GRIA4: variants seen among roughly 807,000 people sequenced by gnomAD.
The protein encoded by GRIA4 is glutamate receptor 4.
Under a neutral mutation model 104.0 loss-of-function variants are expected in GRIA4, and 34 were observed. That is an observed-to-expected ratio of 0.33 (90% CI 0.25 to 0.44). GRIA4 has a LOEUF of 0.44. Among genes scored for constraint, GRIA4 ranks in the 20% least tolerant of loss-of-function variants. The pLI is 1.00. For synonymous variants in GRIA4, 386 were observed against 381.9 expected, an observed-to-expected ratio of 1.01 and a Z score of -0.13; for missense variants, 750 against 1,096.5, an observed-to-expected ratio of 0.68 and a Z score of 4.46.
At chr11:105,688,883 TA>T (rs1197830994) in intron 3 of GRIA4, among the ~76,000 whole-genome samples, 1 of 152,044 alleles carries the variant, frequency 6.6e-6, no homozygotes, top group African/African-American at 2.4e-5. Flanking sequence ...CCGCTGTTTA[TA>T]TTGGAAGATC....
Position 105,612,352 on chromosome 11 carries a change from C to CA in GRIA4, c.167dup (p.Asn56LysfsTer8). On this transcript the variant is annotated frameshift_variant, in exon 3 of 17. Transcript: ENST00000282499. LOFTEE classifies it high-confidence loss of function. ...CAATTTTTCTTCATAACACCAGCCC[C>CA]AATGCGTCGGAAGCTCCTTTTAATT... 1 of 1,614,004 alleles carries CA rather than the reference C, an allele frequency of 6.2e-7. No homozygotes were observed. The highest frequency in any genetic ancestry group is 1.1e-5 in the South Asian group (1 of 91,086).
chr11:105,692,118 G>A (rs1367601599), intron 3 of GRIA4, among the ~76,000 whole-genome samples: 1 of 151,882 alleles, frequency 6.6e-6, no homozygotes, highest in East Asian at 1.9e-4. Flanking sequence ...AATTTGATTG[G>A]ATTGATGATA....
At chr11:105,842,049 T>C (rs1205590909) in intron 4 of GRIA4, among the ~76,000 whole-genome samples, 1 of 152,134 alleles carries the variant, frequency 6.6e-6, no homozygotes, top group African/African-American at 2.4e-5. Context: ...ATTGAGAAGT[T>C]ACCATCTGAG....
intron 4 of GRIA4, among the ~76,000 whole-genome samples, chr11:105,858,643 C>G (rs1028009254): frequency 6.6e-6 from 1 of 151,956 alleles, no homozygotes; most frequent in Non-Finnish European, 1.5e-5. Flanking sequence ...ATTAACCATC[C>G]CCATTTCCCT....
At chr11:105,921,908 T>C (rs965768947) in intron 11 of GRIA4, among the ~76,000 whole-genome samples, 7 of 152,026 alleles carry the variant, frequency 4.6e-5, no homozygotes, top group African/African-American at 1.2e-4. Context: ...ATAAAATACA[T>C]AATATTGATA....
At chr11:105,652,990 C>T (rs567343955) in intron 3 of GRIA4, among the ~76,000 whole-genome samples, 23 of 152,170 alleles carry the variant, frequency 1.5e-4, no homozygotes, top group Non-Finnish European at 2.4e-4. Flanking sequence ...TCACTGCAAG[C>T]TCCATCCACC....
intron 3 of GRIA4, among the ~76,000 whole-genome samples, chr11:105,699,036 T>C (rs957390263): frequency 6.6e-6 from 1 of 152,354 alleles, no homozygotes; most frequent in East Asian, 1.9e-4. Context: ...ATTTCCTGTT[T>C]AAGAGTTTAT....
At chr11:105,651,378 G>C (rs1487480624) in intron 3 of GRIA4, among the ~76,000 whole-genome samples, 1 of 152,038 alleles carries the variant, frequency 6.6e-6, no homozygotes, top group Non-Finnish European at 1.5e-5. Context: ...CATCATCTAG[G>C]ATATTTATGA....
At chr11:105,902,099 A>T (rs1946880348) in intron 7 of GRIA4, among the ~76,000 whole-genome samples, 1 of 152,126 alleles carries the variant, frequency 6.6e-6, no homozygotes. Context: ...TGAAGGGCAC[A>T]TTTATCCAGA....
chr11:105,849,718 T>C (rs1944729262), intron 4 of GRIA4, among the ~76,000 whole-genome samples: 1 of 152,162 alleles, frequency 6.6e-6, no homozygotes, highest in Non-Finnish European at 1.5e-5. Context: ...ATAAATAGAA[T>C]TTCATACAAC....
At chr11:105,960,330 C>T (rs1012640587) in intron 14 of GRIA4, among the ~76,000 whole-genome samples, 1 of 152,192 alleles carries the variant, frequency 6.6e-6, no homozygotes, top group African/African-American at 2.4e-5. Context: ...GGAGATCCTG[C>T]GGGGAAGCCC....
chr11:105,917,380 CAT>C (rs1418847798), intron 10 of GRIA4, among the ~76,000 whole-genome samples: 4 of 152,126 alleles, frequency 2.6e-5, no homozygotes, highest in South Asian at 2.1e-4. Context: ...CTATAATTCA[CAT>C]GTTTTATTAA....
intron 4 of GRIA4, among the ~76,000 whole-genome samples, chr11:105,784,802 A>G (rs1941884429): frequency 6.6e-6 from 1 of 152,218 alleles, no homozygotes; most frequent in Non-Finnish European, 1.5e-5. Context: ...GACCTGTTAA[A>G]GCAAAACATA....
chr11:105,718,874 T>C (rs1480880614), intron 3 of GRIA4, among the ~76,000 whole-genome samples: 1 of 152,148 alleles, frequency 6.6e-6, no homozygotes, highest in Non-Finnish European at 1.5e-5. Context: ...TTGAGCAGGA[T>C]TCTTGTCAAT....
chr11:105,882,309 C>T (rs667174), intron 5 of GRIA4, among the ~76,000 whole-genome samples: 57,433 of 151,966 alleles, frequency 0.38, 10,979 homozygotes, highest in Non-Finnish European at 0.41. Context: ...TAGTGTGCCA[C>T]TGCATGTCTT....
chr11:105,706,629 C>T (rs1025991336), intron 3 of GRIA4: 2 of 152,998 alleles, frequency 1.3e-5, no homozygotes, highest in East Asian at 1.9e-4. Context: ...ACCATCACTG[C>T]CACTGTACTG....
chr11:105,888,271 C>CTTT (rs71469040), intron 6 of GRIA4, among the ~76,000 whole-genome samples: 4,361 of 54,492 alleles, frequency 0.08, 1,394 homozygotes, highest in Admixed American at 0.16. Flanking sequence ...ATGTTTTCTC[C>CTTT]TTTTTTTTTT....
intron 4 of GRIA4, among the ~76,000 whole-genome samples, chr11:105,817,490 AT>A (rs889470042): frequency 4.0e-5 from 6 of 150,656 alleles, no homozygotes; most frequent in Non-Finnish European, 5.9e-5. Flanking sequence ...TAGTTTTTAA[AT>A]TTTTTTTTCT....
intron 9 of GRIA4, among the ~76,000 whole-genome samples, 181 bp downstream of exon 9, chr11:105,905,482 A>T (rs510775): frequency 0.012 from 1,780 of 152,338 alleles, 16 homozygotes; most frequent in Admixed American, 0.02. Context: ...AATTGTATTT[A>T]GTAGTGTGCC....
Sources: gnomAD v4.1 joint callset for allele counts (sites outside exome capture counted in the v4.1 genomes callset) on GRCh38, gnomAD v4.1.1 for gene constraint, MANE v1.5 for transcripts, NCBI Gene and HGNC (gene_info 2026-07-23, HGNC 2026-07-21) for gene names.